Variants in PALM2AKAP2 observed in about 807,000 individuals in gnomAD.
PALM2AKAP2 encodes the protein PALM2 and AKAP2 fusion, also known as PALM2-AKAP2 fusion protein.
A neutral mutation model predicts 71.5 loss-of-function variants in PALM2AKAP2; 37 were observed. That is an observed-to-expected ratio of 0.52 (90% CI 0.40 to 0.68). The LOEUF (loss-of-function observed/expected upper bound fraction) is 0.68, where lower values mean the gene tolerates loss of function less well. Among genes scored for constraint, PALM2AKAP2 ranks in the 30% least tolerant of loss-of-function variants. The pLI is 0.00. For synonymous variants in PALM2AKAP2, 468 were observed against 478.8 expected, an observed-to-expected ratio of 0.98 and a Z score of 0.29; for missense variants, 1,224 against 1,191.8, an observed-to-expected ratio of 1.03 and a Z score of -0.40.
chr9:109,880,939 A>G (rs1463966016), intron 3 of PALM2AKAP2, among the ~76,000 whole-genome samples: 2 of 152,180 alleles, frequency 1.3e-5, no homozygotes, highest in African/African-American at 4.8e-5. Context: ...TTACATAGGT[A>G]AACTTGTATC....
At chr9:110,111,416 A>G (rs11794818) in intron 1 of PALM2AKAP2, among the ~76,000 whole-genome samples, 28,327 of 152,044 alleles carry the variant, frequency 0.19, 2,783 homozygotes, top group African/African-American at 0.23. Flanking sequence ...TTTAAATAAT[A>G]TTTTTCATAA....
chr9:110,097,531 G>A (rs1175482437), intron 1 of PALM2AKAP2, among the ~76,000 whole-genome samples: 14 of 151,856 alleles, frequency 9.2e-5, no homozygotes, highest in African/African-American at 3.4e-4. Flanking sequence ...CGGGGCGACA[G>A]GGCAGAGGCG....
At chr9:109,900,353 T>C (rs1223249675) in intron 3 of PALM2AKAP2, among the ~76,000 whole-genome samples, 1 of 152,258 alleles carries the variant, frequency 6.6e-6, no homozygotes, top group African/African-American at 2.4e-5. Context: ...TTGAGTGTCA[T>C]GCATCGCAAT....
At chr9:110,158,884 A>C (rs986647601) in intron 3 of PALM2AKAP2, among the ~76,000 whole-genome samples, 2 of 152,170 alleles carry the variant, frequency 1.3e-5, no homozygotes, top group Non-Finnish European at 2.9e-5. Context: ...AAGAGACCCA[A>C]ATCTAAAACA....
intron 6 of PALM2AKAP2, among the ~76,000 whole-genome samples, chr9:109,991,916 A>G (rs1478439037): frequency 6.6e-6 from 1 of 152,246 alleles, no homozygotes; most frequent in Non-Finnish European, 1.5e-5. Context: ...CAGTAGTTAC[A>G]TAAAATTAAA....
intron 3 of PALM2AKAP2, among the ~76,000 whole-genome samples, chr9:110,162,429 G>T (rs553248056): frequency 6.6e-6 from 1 of 152,306 alleles, no homozygotes; most frequent in South Asian, 2.1e-4. Flanking sequence ...GAGGACACAA[G>T]TGATGGGCTA....
chr9:109,890,032 G>C (rs1022099863), intron 3 of PALM2AKAP2, among the ~76,000 whole-genome samples: 3 of 152,100 alleles, frequency 2.0e-5, no homozygotes, highest in Non-Finnish European at 4.4e-5. Flanking sequence ...TCCAATTTTA[G>C]GTCACCTTGC....
chr9:110,110,041 TTAA>T (rs1225816242), intron 1 of PALM2AKAP2, among the ~76,000 whole-genome samples: 3 of 152,174 alleles, frequency 2.0e-5, no homozygotes, highest in South Asian at 2.1e-4. Context: ...GTGACTATAG[TTAA>T]TAATGATGTA....
chr9:109,878,600 G>A (rs978722263), intron 2 of PALM2AKAP2, among the ~76,000 whole-genome samples: 4 of 152,132 alleles, frequency 2.6e-5, no homozygotes, highest in African/African-American at 9.7e-5. Context: ...GTCTCTCCTG[G>A]AAGTGCAGGA....
At chr9:109,969,088 G>GCACACACACACACA (rs34057385) in intron 6 of PALM2AKAP2, among the ~76,000 whole-genome samples, 210 of 149,698 alleles carry the variant, frequency 1.4e-3, no homozygotes, top group East Asian at 5.7e-3. Context: ...AAATGTGCGT[G>GCACACACACACACA]CACACACACA....
intron 3 of PALM2AKAP2, among the ~76,000 whole-genome samples, chr9:109,897,310 G>A (rs879299314): frequency 3.9e-5 from 6 of 152,166 alleles, no homozygotes; most frequent in Non-Finnish European, 7.3e-5. Flanking sequence ...AGCCAGGCTT[G>A]GTGGCTCATG....
chr9:109,843,765 C>A (rs1240098954), intron 1 of PALM2AKAP2, among the ~76,000 whole-genome samples: 1 of 152,170 alleles, frequency 6.6e-6, no homozygotes, highest in Non-Finnish European at 1.5e-5. Context: ...AACTAGCTGG[C>A]AGCACTACCT....
At chr9:109,647,524 C>T (rs189774433) in intron 1 of PALM2AKAP2, among the ~76,000 whole-genome samples, 478 of 152,278 alleles carry the variant, frequency 3.1e-3, no homozygotes, top group Non-Finnish European at 5.4e-3. Flanking sequence ...TGCCCAGGTG[C>T]CTCCGGAAGT....
At chr9:109,880,860 G>A (rs549812459) in intron 3 of PALM2AKAP2, among the ~76,000 whole-genome samples, 179 bp downstream of exon 3, 47 of 152,300 alleles carry the variant, frequency 3.1e-4, no homozygotes, top group African/African-American at 1.1e-3. Context: ...TTATGACACA[G>A]AGTACTAATA....
intron 7 of PALM2AKAP2, among the ~76,000 whole-genome samples, chr9:110,035,492 A>C (rs1247891142): frequency 7.0e-6 from 1 of 143,102 alleles, no homozygotes; most frequent in Non-Finnish European, 1.5e-5. Flanking sequence ...TGTTATATAT[A>C]ACATATATAT....
intron 7 of PALM2AKAP2, among the ~76,000 whole-genome samples, chr9:110,033,976 C>G (rs1260670749): frequency 2.0e-5 from 3 of 152,154 alleles, no homozygotes; most frequent in Non-Finnish European, 4.4e-5. Context: ...GACTAGGAAT[C>G]TGAGGCACAG....
exon 4 of PALM2AKAP2, chr9:110,168,402 C>T (rs1836786929): frequency 6.2e-7 from 1 of 1,614,022 alleles, no homozygotes; most frequent in Non-Finnish European, 8.5e-7. Context: ...TTTACAGGTC[C>T]TCGAGGCCAC....
intron 3 of PALM2AKAP2, among the ~76,000 whole-genome samples, chr9:109,890,838 T>TGCA (rs1163314764): frequency 6.6e-6 from 1 of 152,238 alleles, no homozygotes; most frequent in Non-Finnish European, 1.5e-5. Flanking sequence ...GTGTGCTTCC[T>TGCA]GCAGAAGCAT....
chr9:110,161,614 G>T (rs1453827685), intron 3 of PALM2AKAP2, among the ~76,000 whole-genome samples: 1 of 152,160 alleles, frequency 6.6e-6, no homozygotes, highest in Admixed American at 6.5e-5. Flanking sequence ...CGGTTTCAGA[G>T]AATCTGCCTC....
Sources: allele counts gnomAD v4.1 joint callset (sites outside exome capture counted in the v4.1 genomes callset), GRCh38; gene constraint gnomAD v4.1.1; transcripts MANE v1.5; gene names NCBI Gene and HGNC (gene_info 2026-07-23, HGNC 2026-07-21).